The following PLPP1 variants were observed in gnomAD, a reference collection of about 807,000 sequenced individuals.
PLPP1 encodes the protein lipid phosphate phosphohydrolase 1a.
In PLPP1, 24 loss-of-function variants were observed where a neutral mutation model predicts 31.2. The observed-to-expected ratio is 0.77, with a 90% CI of 0.56 to 1.08. PLPP1 has a LOEUF of 1.08. PLPP1 is among the 50% of genes least tolerant of loss of function. The pLI, the probability that PLPP1 is intolerant of heterozygous loss-of-function variation, is 0.00. For synonymous variants in PLPP1, 146 were observed against 126.3 expected (o/e 1.16, Z -1.05); for missense variants, 319 against 342.7 (o/e 0.93, Z 0.55).
chr5:55,441,405 A>G (rs1751617200), intron 4 of PLPP1, among the ~76,000 whole-genome samples: 1 of 152,212 alleles, frequency 6.6e-6, no homozygotes, highest in Admixed American at 6.5e-5. Flanking sequence ...GGAATGTTTT[A>G]GAAAATGGGA....
At chr5:55,474,633 G>T (rs563122133) in intron 2 of PLPP1, among the ~76,000 whole-genome samples, 120 of 152,206 alleles carry the variant, frequency 7.9e-4, no homozygotes, top group African/African-American at 2.8e-3. Context: ...TGTATGATAT[G>T]ATCTAAAAAT....
At chr5:55,446,991 G>A (rs1015009310) in intron 3 of PLPP1, among the ~76,000 whole-genome samples, 3 of 152,128 alleles carry the variant, frequency 2.0e-5, no homozygotes, top group Admixed American at 2.0e-4. Flanking sequence ...ACTAACTGAC[G>A]CAGGCCTCAG....
intron 3 of PLPP1, among the ~76,000 whole-genome samples, 185 bp downstream of exon 3, chr5:55,467,684 T>C (rs1752334301): frequency 6.6e-6 from 1 of 152,060 alleles, no homozygotes; most frequent in African/African-American, 2.4e-5. Context: ...CACTTTTAAA[T>C]GGAAGACAGC....
intron 3 of PLPP1, 146 bp downstream of exon 3, chr5:55,467,723 G>A (rs1328153464): frequency 1.2e-6 from 1 of 859,086 alleles, no homozygotes; most frequent in Non-Finnish European, 1.7e-6. Context: ...CATGATGAGA[G>A]AGAACAATTC....
chr5:55,434,794 G>A (rs1242770424), intron 4 of PLPP1, among the ~76,000 whole-genome samples: 2 of 152,092 alleles, frequency 1.3e-5, no homozygotes, highest in Admixed American at 6.6e-5. Flanking sequence ...GACCTGAAAC[G>A]ATAAAACTAA....
chr5:55,518,685 C>T (rs892809651), intron 1 of PLPP1, among the ~76,000 whole-genome samples: 2 of 152,146 alleles, frequency 1.3e-5, no homozygotes, highest in African/African-American at 4.8e-5. Flanking sequence ...TAATTGATCT[C>T]CCACAAGTCC....
intron 1 of PLPP1, chr5:55,530,796 C>T (rs1740634998): frequency 3.4e-6 from 5 of 1,475,966 alleles, no homozygotes; most frequent in East Asian, 4.5e-5. Flanking sequence ...GCTGACAGGG[C>T]GCGGTCCGCA....
intron 1 of PLPP1, chr5:55,490,909 C>A: frequency 6.5e-7 from 1 of 1,544,352 alleles, no homozygotes; most frequent in African/African-American, 1.4e-5. Flanking sequence ...CATGCTTCAT[C>A]CAACCTCCAG....
intron 1 of PLPP1, among the ~76,000 whole-genome samples, chr5:55,529,413 C>T (rs953352002): frequency 3.3e-5 from 5 of 152,076 alleles, no homozygotes; most frequent in African/African-American, 1.2e-4. Context: ...ATCAGAAATA[C>T]TGGCTACTGA....
intron 2 of PLPP1, among the ~76,000 whole-genome samples, chr5:55,468,619 T>C (rs2111790393): frequency 6.6e-6 from 1 of 151,990 alleles, no homozygotes; most frequent in South Asian, 2.1e-4. Context: ...CTGGCCAACA[T>C]GGTAAAACCC....
At position 55,449,671 on chromosome 5, in the gene PLPP1, A is replaced by G. The variant is rs1393943816; in HGVS notation, c.492-7763T>C. Among the ~76,000 whole-genome samples, 4 of 152,202 alleles carry G rather than the reference A, an allele frequency of 2.6e-5. No homozygotes were observed. In the East Asian group the frequency reaches 5.8e-4, roughly 22 times the overall value. ...TCCAATAAAAATATACAATATACAT[A>G]TAATTTAAAAGGAAGTCAAATTACA... is the stretch of plus-strand genomic sequence containing the variant. On this transcript the variant is annotated intron_variant, in intron 3 of 5. Transcript: ENST00000307259.
At chr5:55,448,618 T>G (rs1751823681) in intron 3 of PLPP1, among the ~76,000 whole-genome samples, 1 of 151,998 alleles carries the variant, frequency 6.6e-6, no homozygotes, top group South Asian at 2.1e-4. Flanking sequence ...CAGCTAATTT[T>G]TGTATTTTTT....
chr5:55,529,747 G>A (rs1261378492), intron 1 of PLPP1, among the ~76,000 whole-genome samples: 2 of 115,122 alleles, frequency 1.7e-5, no homozygotes, highest in African/African-American at 2.9e-5. Flanking sequence ...CTAATAACTG[G>A]CTCAGATTTG....
intron 3 of PLPP1, among the ~76,000 whole-genome samples, chr5:55,456,688 A>C (rs1579935559): frequency 1.3e-5 from 2 of 152,336 alleles, no homozygotes; most frequent in East Asian, 3.9e-4. Context: ...ATGCATACCC[A>C]CAGTTATGTA....
intron 1 of PLPP1, among the ~76,000 whole-genome samples, chr5:55,492,605 G>A (rs1453354671): frequency 6.6e-6 from 1 of 152,128 alleles, no homozygotes; most frequent in Non-Finnish European, 1.5e-5. Context: ...TAGTGGTAGA[G>A]GGAGGCAGGG....
At chr5:55,525,887 C>T (rs1740415980) in intron 1 of PLPP1, among the ~76,000 whole-genome samples, 1 of 151,698 alleles carries the variant, frequency 6.6e-6, no homozygotes, top group African/African-American at 2.4e-5. Flanking sequence ...AGAGACAAGA[C>T]AGTATCTCTA....
intron 1 of PLPP1, among the ~76,000 whole-genome samples, chr5:55,509,620 T>C (rs1388912416): frequency 6.6e-6 from 1 of 152,234 alleles, no homozygotes; most frequent in Non-Finnish European, 1.5e-5. Context: ...ATCCTCAACC[T>C]TGGAGTAGCT....
intron 4 of PLPP1, among the ~76,000 whole-genome samples, chr5:55,435,578 A>T (rs1044186124): frequency 1.3e-5 from 2 of 152,216 alleles, no homozygotes; most frequent in African/African-American, 4.8e-5. Context: ...CATTTATCAA[A>T]AGAACACTTG....
At chr5:55,454,206 T>C (rs1266372242) in intron 3 of PLPP1, among the ~76,000 whole-genome samples, 1 of 152,138 alleles carries the variant, frequency 6.6e-6, no homozygotes, top group Non-Finnish European at 1.5e-5. Context: ...CAATATATTA[T>C]GTAAGAAAAA....
Sources: gnomAD v4.1 joint callset for allele counts (sites outside exome capture counted in the v4.1 genomes callset) on GRCh38, gnomAD v4.1.1 for gene constraint, MANE v1.5 for transcripts, NCBI Gene and HGNC (gene_info 2026-07-23, HGNC 2026-07-21) for gene names.